SERINC5: variants seen among roughly 807,000 people sequenced by gnomAD.
SERINC5 encodes chromosome 5 open reading frame 12.
In SERINC5, 41 loss-of-function variants were observed where a neutral mutation model predicts 63.1. The ratio of observed to expected loss-of-function variants is 0.65; its 90% CI spans 0.51 to 0.84. The LOEUF (loss-of-function observed/expected upper bound fraction) is 0.84. Among genes scored for constraint, SERINC5 ranks in the 40% least tolerant of loss-of-function variants. The pLI, the probability that SERINC5 is intolerant of heterozygous loss-of-function variation, is 0.00. For missense variants in SERINC5, 523 were observed against 573.0 expected, an observed-to-expected ratio of 0.91 and a Z score of 0.89; for synonymous variants, 222 against 215.2, an observed-to-expected ratio of 1.03 and a Z score of -0.28.
At chr5:80,255,727 C>A (rs1421756932) in intron 1 of SERINC5, among the ~76,000 whole-genome samples, 169 bp downstream of exon 1, 1 of 151,854 alleles carries the variant, frequency 6.6e-6, no homozygotes, top group African/African-American at 2.4e-5. Context: ...CCGCCCAGGG[C>A]ACAGGATTTC....
At chr5:80,175,114 C>T in intron 4 of SERINC5, 67 bp from the exon 5 acceptor site, 1 of 1,084,572 alleles carries the variant, frequency 9.2e-7, no homozygotes, top group East Asian at 2.7e-5. Context: ...AGAGAATAAC[C>T]ACAGCTAATT....
At chr5:80,175,460 A>C (rs1747966056) in intron 4 of SERINC5, among the ~76,000 whole-genome samples, 2 of 152,214 alleles carry the variant, frequency 1.3e-5, no homozygotes, top group Non-Finnish European at 2.9e-5. Context: ...AATGACCAGT[A>C]AAGAAACAAG....
intron 7 of SERINC5, among the ~76,000 whole-genome samples, chr5:80,161,627 C>A (rs1477175071): frequency 6.6e-6 from 1 of 152,132 alleles, no homozygotes; most frequent in Admixed American, 6.6e-5. Flanking sequence ...ACACAGTTTG[C>A]AAATATTTTC....
intron 1 of SERINC5, among the ~76,000 whole-genome samples, chr5:80,241,433 C>A (rs983276120): frequency 1.3e-5 from 2 of 152,082 alleles, no homozygotes; most frequent in African/African-American, 4.8e-5. Flanking sequence ...CGCGCCACTG[C>A]ACTTCAACCT....
At chr5:80,117,156 A>G (rs912751431) in intron 11 of SERINC5, among the ~76,000 whole-genome samples, 2 of 152,056 alleles carry the variant, frequency 1.3e-5, no homozygotes, top group African/African-American at 4.8e-5. Flanking sequence ...CAATGACTAT[A>G]TGCAGAAGAA....
chr5:80,191,038 C>G (rs141952812), intron 2 of SERINC5, among the ~76,000 whole-genome samples: 1 of 151,740 alleles, frequency 6.6e-6, no homozygotes, highest in Non-Finnish European at 1.5e-5. Context: ...CAGACCAGAC[C>G]GAACCAAAAT....
In SERINC5 at chr5:80,202,900, T is replaced by G. The variant is rs969469320; in HGVS notation, c.181A>C (p.Lys61Gln). 2.5e-6 allele frequency: 4 copies of G among 1,610,234 alleles called. No individual in the cohort carries two copies. In the African/African-American group the frequency reaches 5.3e-5, roughly 22 times the overall value. Residue 61 changes from lysine to glutamine, a missense_variant, in exon 2 of 12, where the codon AAG becomes CAG. By Grantham distance (53) the Lys-to-Gln change is moderately conservative. Transcript: ENST00000507668. ...CIMMSTTVAH[K>Q]MKEHIPFFED... ...GACAAACTTACGTGCTCTTTCATCT[T>G]GTGAGCCACGGTTGTTGACATCATG... is the stretch of plus-strand genomic sequence containing the variant.
chr5:80,139,901 A>T lies in SERINC5; in HGVS notation c.*3762T>A. The T allele has an allele frequency of 1.0e-6, 1 of 985,428 alleles. No individual in the cohort carries two copies. The highest frequency in any genetic ancestry group is 4.7e-5 in the South Asian group (1 of 21,288). 61.0% of individuals were successfully genotyped at this position (985,428 alleles called of 1,614,324 possible). On this transcript the variant is annotated 3_prime_UTR_variant, in exon 12 of 12. Transcript: ENST00000507668. ...AGGTATAGGACACTAGAGTACACCAAATGAGATACTATTTGGAAAGGCAAT... is the reference window on the plus strand; with the variant it reads ...AGGTATAGGACACTAGAGTACACCATATGAGATACTATTTGGAAAGGCAAT...
At chr5:80,198,707 T>G in intron 2 of SERINC5, 1 of 982,504 alleles carries the variant, frequency 1.0e-6, no homozygotes, top group Non-Finnish European at 1.2e-6. Flanking sequence ...AAGCACCCCC[T>G]GAGGATGAGG....
rs1745854925 is a variant in SERINC5, at chr5:80,146,773, C to T, written c.1093+472G>A. Reference sequence around the variant, plus strand: ...GCCTGCCCTGCCACATTTATTTTAACAGAAAGAGAACCCTTAAAAACCCTT... The same window carrying T: ...GCCTGCCCTGCCACATTTATTTTAATAGAAAGAGAACCCTTAAAAACCCTT... On this transcript the variant is annotated intron_variant, in intron 10 of 11. Transcript: ENST00000507668. Among the ~76,000 whole-genome samples, 3 of 152,144 alleles carry T rather than the reference C, an allele frequency of 2.0e-5. No individual in the cohort carries two copies. In the South Asian group the frequency reaches 6.2e-4, roughly 31 times the overall value.
intron 11 of SERINC5, chr5:80,116,464 G>C (rs1744325254): frequency 2.5e-6 from 1 of 400,426 alleles, no homozygotes. Flanking sequence ...CCTTCCCTGG[G>C]ACTTGCATGC....
downstream of SERINC5, among the ~76,000 whole-genome samples, chr5:80,137,668 G>A (rs12108760): frequency 1.2e-4 from 16 of 138,676 alleles, no homozygotes; most frequent in African/African-American, 1.6e-4. Flanking sequence ...TGAGCTGGGC[G>A]CAGTGGCTCA....
rs201395745 is a variant in SERINC5 at position 80,114,208 on chromosome 5, T to A, written c.1239-583A>T. On this transcript the variant is annotated intron_variant, in intron 11 of 12. Coordinates refer to the SERINC5 transcript ENST00000509193. ...AGACTACCTGAGACTGGGTAATTTA[T>A]AAAGAAAGGAGGTTTAATTGACTCA... Among the ~76,000 whole-genome samples the A allele has an allele frequency of 8.6e-5, 13 of 151,604 alleles. No individual in the cohort carries two copies. In the East Asian group the frequency reaches 2.1e-3, roughly 25 times the overall value.
chr5:80,193,017 A>G (rs535573220), intron 2 of SERINC5, among the ~76,000 whole-genome samples: 5 of 152,130 alleles, frequency 3.3e-5, no homozygotes, highest in African/African-American at 1.2e-4. Flanking sequence ...CTTTTCCCCT[A>G]CCTGAGGGCC....
intron 2 of SERINC5, among the ~76,000 whole-genome samples, chr5:80,182,525 A>G (rs1748500364): frequency 7.0e-6 from 1 of 143,336 alleles, no homozygotes; most frequent in Admixed American, 7.2e-5. Flanking sequence ...AACATGCCAT[A>G]AGCTTCTATC....
intron 2 of SERINC5, among the ~76,000 whole-genome samples, chr5:80,184,916 G>A (rs1249453846): frequency 1.3e-5 from 2 of 152,008 alleles, no homozygotes; most frequent in Admixed American, 6.6e-5. Flanking sequence ...TTGCTCTGTT[G>A]CCCAGGCTGG....
At chr5:80,153,476 T>TC (rs1296191902) in intron 8 of SERINC5, among the ~76,000 whole-genome samples, 2 of 112,020 alleles carry the variant, frequency 1.8e-5, no homozygotes, top group East Asian at 2.6e-4. Flanking sequence ...AAGAAAAGGT[T>TC]TTTTTTTTAT....
chr5:80,189,211 T>A (rs1018551804), intron 2 of SERINC5, among the ~76,000 whole-genome samples: 5 of 151,996 alleles, frequency 3.3e-5, no homozygotes, highest in African/African-American at 7.3e-5. Flanking sequence ...AACTCTGGAA[T>A]TAGGGGTAAT....
chr5:80,156,117 A>G (rs1465588934), intron 8 of SERINC5, among the ~76,000 whole-genome samples: 2 of 152,196 alleles, frequency 1.3e-5, no homozygotes, highest in Non-Finnish European at 2.9e-5. Context: ...AGTGGACCCC[A>G]GGCAATCTTG....
Sources: allele counts gnomAD v4.1 joint callset (sites outside exome capture counted in the v4.1 genomes callset), GRCh38; gene constraint gnomAD v4.1.1; transcripts MANE v1.5; gene names NCBI Gene and HGNC (gene_info 2026-07-23, HGNC 2026-07-21).